The following INSR variants were observed in gnomAD, a reference collection of about 807,000 sequenced individuals.
INSR encodes the protein insulin receptor.
A neutral mutation model predicts 142.6 loss-of-function variants in INSR; 67 were observed. That is an observed-to-expected ratio of 0.47 (90% CI 0.39 to 0.58). The LOEUF (loss-of-function observed/expected upper bound fraction) is 0.58. Among genes scored for constraint, INSR ranks in the 20% least tolerant of loss-of-function variants. INSR has a pLI of 0.00. For missense variants in INSR, 1,248 were observed against 1,833.2 expected, an observed-to-expected ratio of 0.68 and a Z score of 5.83; for synonymous variants, 756 against 743.1, an observed-to-expected ratio of 1.02 and a Z score of -0.28.
Position 7,116,864 on chromosome 19 carries a change from A to T in INSR, c.*192T>A. Reference sequence around the variant, plus strand: ...CCCCTTGCCCTCCAGGTTCACAGTTAAATCCTCTGCAGGACTAGTTAAATT... The same window carrying T: ...CCCCTTGCCCTCCAGGTTCACAGTTTAATCCTCTGCAGGACTAGTTAAATT... On this transcript the variant is annotated 3_prime_UTR_variant, in exon 22 of 22. Coordinates refer to ENST00000302850, the MANE Select transcript of INSR (RefSeq NM_000208.4). The T allele has an allele frequency of 1.7e-6, 1 of 599,858 alleles. No homozygotes were observed. Among genetic ancestry groups the T allele is most frequent in the Non-Finnish European group, 3.0e-6 (1 of 333,542 alleles). The allele number at this position is 599,858 out of a possible 1,614,324, so 37.2% of individuals were successfully genotyped here. A position where few individuals can be genotyped will look rare whatever the true frequency, so the allele number is the denominator to read the frequency against.
rs143731519 is a variant in INSR at position 7,260,937 on chromosome 19, G to C, written c.652+6408C>G. The stretch of plus-strand genomic sequence containing the variant: ...GAGTCTCACTCTGTCGCCCAGGCTG[G>C]AGTGCAGTGGTGTGATCTCAGCTCA... On this transcript the variant is annotated intron_variant, in intron 2 of 21. Coordinates refer to ENST00000302850, the MANE Select transcript of INSR (RefSeq NM_000208.4). 1.3e-3 allele frequency among the ~76,000 whole-genome samples: 190 copies of C among 151,472 alleles called. 5 individuals carry two copies. In the East Asian group the frequency reaches 0.035, roughly 28 times the overall value.
At chr19:7,178,443 G>A (rs116024990) in intron 3 of INSR, among the ~76,000 whole-genome samples, 439 of 152,188 alleles carry the variant, frequency 2.9e-3, no homozygotes, top group African/African-American at 9.9e-3. Flanking sequence ...ATACTGGGCC[G>A]GGTGCAGTGC....
At chr19:7,142,097 C>T (rs1483668133) in intron 12 of INSR, among the ~76,000 whole-genome samples, 1 of 151,562 alleles carries the variant, frequency 6.6e-6, no homozygotes, top group African/African-American at 2.4e-5. Flanking sequence ...TAATGATTGC[C>T]TATGACTCAT....
chr19:7,215,853 G>A (rs1975417344), intron 2 of INSR, among the ~76,000 whole-genome samples: 1 of 151,760 alleles, frequency 6.6e-6, no homozygotes, highest in African/African-American at 2.4e-5. Flanking sequence ...ACAGGCGTGA[G>A]CCACCACACC....
intron 2 of INSR, among the ~76,000 whole-genome samples, chr19:7,213,997 A>AAAAAAAAAAAT (rs1975357748): frequency 6.6e-6 from 1 of 152,158 alleles, no homozygotes; most frequent in African/African-American, 2.4e-5. Flanking sequence ...CTCAAAAAAA[A>AAAAAAAAAAAT]AAAGGAAATG....
chr19:7,152,415 AAT>A (rs1973393532), intron 10 of INSR: 1 of 388,642 alleles, frequency 2.6e-6, no homozygotes, highest in Non-Finnish European at 4.8e-6. Flanking sequence ...GAAAAAAAAA[AAT>A]GTTAATCGTC....
intron 1 of INSR, among the ~76,000 whole-genome samples, chr19:7,289,366 G>A (rs1968428611): frequency 6.6e-6 from 1 of 150,724 alleles, no homozygotes; most frequent in Non-Finnish European, 1.5e-5. Flanking sequence ...TTTAGAGGCT[G>A]AAAAAGCACG....
chr19:7,267,643 G>T lies in INSR; in HGVS notation c.354C>A (p.Tyr118Ter). The change falls in exon 2 of 22, where the codon TAC becomes TAA. Residue 118 changes from tyrosine to a stop codon, truncating the protein, a stop_gained. Coordinates refer to ENST00000302850, the MANE Select transcript of INSR (RefSeq NM_000208.4). LOFTEE classifies it high-confidence loss of function. This position sits in a 1 kb window ranked among gnomAD's most constrained non-coding sequence, Gnocchi z 6.3. Reference protein sequence around the residue: ...VIRGSRLFFNYALVIFEMVHL... With the variant: ...VIRGSRLFFN ...GAACCATCTCGAAGATGACCAGCGC[G>T]TAGTTAAAGAACAGTCGTGATCCCC... is the stretch of plus-strand genomic sequence containing the variant. The T allele has an allele frequency of 1.2e-6, 2 of 1,613,992 alleles. No homozygotes were observed. Among genetic ancestry groups the T allele is most frequent in the Non-Finnish European group, 1.7e-6 (2 of 1,179,940 alleles).
chr19:7,206,762 G>A (rs1429082418), intron 2 of INSR, among the ~76,000 whole-genome samples: 1 of 151,840 alleles, frequency 6.6e-6, no homozygotes, highest in South Asian at 2.1e-4. Context: ...CAACAACAAC[G>A]ACCACAACAA....
intron 13 of INSR, among the ~76,000 whole-genome samples, chr19:7,135,133 G>A (rs1207062320): frequency 1.4e-5 from 2 of 138,958 alleles, no homozygotes; most frequent in East Asian, 4.3e-4. Flanking sequence ...CATGCTTATC[G>A]TGTGACAATA....
At chr19:7,281,446 G>A (rs531211700) in intron 1 of INSR, among the ~76,000 whole-genome samples, 7 of 151,918 alleles carry the variant, frequency 4.6e-5, no homozygotes, top group Non-Finnish European at 8.8e-5. Flanking sequence ...AGGCTGAGGC[G>A]GGACGATCAC....
chr19:7,129,060 C>G, intron 14 of INSR, 106 bp from the exon 15 acceptor site: 1 of 822,800 alleles, frequency 1.2e-6, no homozygotes, highest in South Asian at 1.4e-5. Flanking sequence ...CCTGTTCCTT[C>G]CCTCCCTTGT....
At chr19:7,126,284 T>A (rs1972643684) in intron 16 of INSR, among the ~76,000 whole-genome samples, 1 of 152,058 alleles carries the variant, frequency 6.6e-6, no homozygotes, top group African/African-American at 2.4e-5. Flanking sequence ...TGTAGCTACA[T>A]GGGTGAAGCC....
chr19:7,158,316 T>C (rs140789809), intron 9 of INSR, among the ~76,000 whole-genome samples: 3,698 of 151,742 alleles, frequency 0.024, 75 homozygotes, highest in African/African-American at 0.06. Context: ...CTGGCTAACA[T>C]GGTGAAACCC....
intron 2 of INSR, among the ~76,000 whole-genome samples, chr19:7,201,804 A>C (rs1458123632): frequency 1.7e-5 from 1 of 58,516 alleles, no homozygotes; most frequent in East Asian, 3.9e-4. Context: ...CTGGGACTAC[A>C]GGCGCGGCCA....
At chr19:7,280,760 G>A (rs1454323650) in intron 1 of INSR, among the ~76,000 whole-genome samples, 3 of 151,830 alleles carry the variant, frequency 2.0e-5, no homozygotes, top group African/African-American at 7.2e-5. Flanking sequence ...AGGTATTGTG[G>A]TGCACACTTA....
chr19:7,172,362 C>G lies in INSR; in HGVS notation c.1196G>C (p.Arg399Pro), dbSNP rs2144954958. 6.2e-7 allele frequency: 1 copy of G among 1,614,098 alleles called. No individual in the cohort carries two copies. The highest frequency in any genetic ancestry group is 8.5e-7 in the Non-Finnish European group (1 of 1,179,994). ...EEISGYLKIRRSYALVSLSFF... is the reference protein window; with the variant it reads ...EEISGYLKIRPSYALVSLSFF... ...GGAAAGTGACACCAGAGCGTAGGAT[C>G]GGCGGATTTTTAGATACCCTGAAAT... Residue 399 changes from arginine (R) to proline (P), a missense_variant, in exon 5 of 22, where the codon CGA (arginine) becomes CCA (proline). Transcript: ENST00000302850.
At chr19:7,226,838 T>TA (rs945082568) in intron 2 of INSR, among the ~76,000 whole-genome samples, 11 of 151,506 alleles carry the variant, frequency 7.3e-5, no homozygotes, top group Non-Finnish European at 1.0e-4. Context: ...AAATGGCTGA[T>TA]AAAAAAAATT....
At position 7,150,496 on chromosome 19, in the gene INSR, C is replaced by T. The variant is rs752219190; in HGVS notation, c.2267+1G>A. On this transcript the variant is annotated splice_donor_variant, in intron 11 of 21. Coordinates refer to ENST00000302850, the MANE Select transcript of INSR (RefSeq NM_000208.4). LOFTEE classifies it high-confidence loss of function. The surrounding 1 kb of genome is among the most constrained non-coding windows in gnomAD (Gnocchi z 4.2). The stretch of plus-strand genomic sequence containing the variant: ...CCAGGGGTCGCACAGGTGAGTCATA[C>T]CTAGGGTCCTCGGCACCAGTGCCTG... 8 of 1,614,148 alleles carry T rather than the reference C, an allele frequency of 5.0e-6. No homozygotes were observed. Among genetic ancestry groups the T allele is most frequent in the Middle Eastern group, 1.7e-4 (1 of 6,050 alleles).
Sources: allele counts gnomAD v4.1 joint callset (sites outside exome capture counted in the v4.1 genomes callset), GRCh38; gene constraint gnomAD v4.1.1; non-coding constraint Gnocchi (gnomAD v3.1); transcripts MANE v1.5; gene names NCBI Gene and HGNC (gene_info 2026-07-23, HGNC 2026-07-21).